Variants in IFT88 observed in about 807,000 individuals in gnomAD.
The protein encoded by IFT88 is intraflagellar transport 88, also known as intraflagellar transport protein 88 homolog.
Under a neutral mutation model 119.5 loss-of-function variants are expected in IFT88, and 74 were observed. The observed-to-expected ratio is 0.62, with a 90% confidence interval of 0.51 to 0.75. The LOEUF (loss-of-function observed/expected upper bound fraction) is 0.75. Ranked by LOEUF, IFT88 falls within the 30% of genes least tolerant of loss-of-function variation. The pLI is 0.00. For missense variants in IFT88, 961 were observed against 977.7 expected, an observed-to-expected ratio of 0.98 and a Z score of 0.23; for synonymous variants, 279 against 316.7, an observed-to-expected ratio of 0.88 and a Z score of 1.26.
intron 24 of IFT88, among the ~76,000 whole-genome samples, chr13:20,688,016 A>G (rs2058120026): frequency 2.6e-5 from 4 of 152,218 alleles, no homozygotes; most frequent in Admixed American, 6.5e-5. Flanking sequence ...TCTCACTGGC[A>G]ATACTCTGAG....
chr13:20,644,796 A>G (rs371010543), intron 19 of IFT88, 47 bp from the exon 20 acceptor site: 6 of 795,736 alleles, frequency 7.5e-6, no homozygotes, highest in Admixed American at 4.4e-5. Flanking sequence ...AGTAAATTAT[A>G]TGTTGCCATT....
chr13:20,568,009 G>A (rs890685179), intron 1 of IFT88: 1 of 713,472 alleles, frequency 1.4e-6, no homozygotes, highest in African/African-American at 1.8e-5. Flanking sequence ...TAGCCGATGA[G>A]CTTTAAAAAA....
chr13:20,572,827 C>T (rs987058862), intron 1 of IFT88, among the ~76,000 whole-genome samples: 2 of 152,114 alleles, frequency 1.3e-5, no homozygotes, highest in African/African-American at 2.4e-5. Flanking sequence ...GGTTTTCTAC[C>T]GCAAATTAGC....
At chr13:20,636,523 C>T (rs1340056681) in intron 16 of IFT88, among the ~76,000 whole-genome samples, 1 of 152,208 alleles carries the variant, frequency 6.6e-6, no homozygotes, top group Non-Finnish European at 1.5e-5. Context: ...CCTAGAAATC[C>T]CCTTGGCCAC....
chr13:20,574,741 A>G (rs138337731), intron 2 of IFT88, among the ~76,000 whole-genome samples: 105 of 152,360 alleles, frequency 6.9e-4, no homozygotes, highest in African/African-American at 9.6e-4. Context: ...CCAAATGTGT[A>G]AAAGACTTAG....
At chr13:20,598,115 TTAG>T (rs1434036420) in intron 9 of IFT88, among the ~76,000 whole-genome samples, 4 of 152,174 alleles carry the variant, frequency 2.6e-5, no homozygotes, top group African/African-American at 9.7e-5. Flanking sequence ...TTTTGAAGTG[TTAG>T]ATGCTTACTG....
intron 1 of IFT88, among the ~76,000 whole-genome samples, 176 bp from the exon 2 acceptor site, chr13:20,574,204 A>G (rs1349585811): frequency 1.3e-5 from 2 of 152,150 alleles, no homozygotes; most frequent in Admixed American, 6.5e-5. Context: ...GCACAAGCCT[A>G]TAGTACCAGG....
At chr13:20,567,927 T>C in intron 1 of IFT88, 3 of 693,754 alleles carry the variant, frequency 4.3e-6, no homozygotes, top group East Asian at 2.7e-5. Flanking sequence ...GGGTGTCCAA[T>C]CTTTGGCTTC....
At chr13:20,651,703 A>G (rs945115697) in intron 20 of IFT88, among the ~76,000 whole-genome samples, 1 of 151,166 alleles carries the variant, frequency 6.6e-6, no homozygotes, top group Non-Finnish European at 1.5e-5. Context: ...TTTATTAGTT[A>G]TTATTATTAA....
chr13:20,588,692 A>G, intron 3 of IFT88, among the ~76,000 whole-genome samples: 1 of 152,212 alleles, frequency 6.6e-6, no homozygotes, highest in East Asian at 1.9e-4. Context: ...TTACATCACT[A>G]CAGAAAGTTT....
At position 20,631,019 on chromosome 13, in the gene IFT88, G is replaced by A. The variant is rs768319283; in HGVS notation, c.1303G>A (p.Val435Ile). 3.2e-6 allele frequency: 5 copies of A among 1,567,010 alleles called. No individual in the cohort carries two copies. The highest frequency in any genetic ancestry group is 1.1e-5 in the South Asian group (1 of 89,908). Residue 435 changes from valine (V) to isoleucine (I), a missense_variant, in exon 16 of 26, where the codon GTA becomes ATA. Coordinates refer to ENST00000351808, the MANE Select transcript of IFT88 (RefSeq NM_006531.5). ...CCTTCAGATATTCCATTTCTAGGCT[G>A]TAGAGATCTTAAAAGTGTTGGAAAA... is the stretch of plus-strand genomic sequence containing the variant. The part of the protein sequence containing the change: ...YLRQKDYNQA[V>I]EILKVLEKKD...
At chr13:20,662,110 G>A (rs1214137956) in intron 22 of IFT88, among the ~76,000 whole-genome samples, 2 of 152,150 alleles carry the variant, frequency 1.3e-5, no homozygotes, top group African/African-American at 2.4e-5. Context: ...ATTCTGGGAC[G>A]AAGCTTCCAG....
chr13:20,663,660 T>A (rs1028850051), intron 23 of IFT88, 56 bp downstream of exon 23: 1 of 1,250,668 alleles, frequency 8.0e-7, no homozygotes, highest in Non-Finnish European at 1.2e-6. Flanking sequence ...GTCAGCCTTC[T>A]ATAGCTCAAA....
At chr13:20,606,530 A>G (rs2043490520) in intron 13 of IFT88, among the ~76,000 whole-genome samples, 1 of 152,164 alleles carries the variant, frequency 6.6e-6, no homozygotes, top group African/African-American at 2.4e-5. Flanking sequence ...AAGCCAGCTA[A>G]AACGATACTT....
At chr13:20,596,316 A>G (rs751395269) in intron 8 of IFT88, 76 bp downstream of exon 8, 3 of 524,560 alleles carry the variant, frequency 5.7e-6, no homozygotes, top group Non-Finnish European at 9.9e-6. Context: ...CACCGTATGT[A>G]TAGACAAATA....
In IFT88 at chr13:20,624,352, C is replaced by T. The variant is rs563513899; in HGVS notation, c.1200-1398C>T. 2.0e-5 allele frequency among the ~76,000 whole-genome samples: 3 copies of T among 152,200 alleles called. No homozygotes were observed. The South Asian group carries it at 6.2e-4, about 32-fold the overall frequency. ...CCATTTCCTCCCTGGGCGCCACCCT[C>T]TAGGAACCTACACGTGTTCAGCTAT... is the stretch of plus-strand genomic sequence containing the variant. On this transcript the variant is annotated intron_variant, in intron 14 of 25. Transcript: ENST00000351808.
chr13:20,685,252 G>T (rs935444638), intron 24 of IFT88, among the ~76,000 whole-genome samples: 5 of 152,142 alleles, frequency 3.3e-5, no homozygotes, highest in Non-Finnish European at 5.9e-5. Context: ...GCTCCCGGGG[G>T]TGGGGGGGCC....
intron 24 of IFT88, among the ~76,000 whole-genome samples, chr13:20,679,402 G>A (rs1029990848): frequency 2.0e-5 from 3 of 152,188 alleles, no homozygotes; most frequent in African/African-American, 4.8e-5. Flanking sequence ...ATCCCGTAAT[G>A]ATTAAAATTA....
intron 7 of IFT88, among the ~76,000 whole-genome samples, chr13:20,594,229 C>T (rs2041237971): frequency 6.6e-6 from 1 of 152,066 alleles, no homozygotes. Flanking sequence ...AAGCGCCTGC[C>T]GATCATTATG....
Sources: gnomAD v4.1 joint callset for allele counts (sites outside exome capture counted in the v4.1 genomes callset) on GRCh38, gnomAD v4.1.1 for gene constraint, MANE v1.5 for transcripts, NCBI Gene and HGNC (gene_info 2026-07-23, HGNC 2026-07-21) for gene names.